Variants in CDC27 observed in about 807,000 individuals in gnomAD.
CDC27 encodes cell division cycle 27, also known as cell division cycle protein 27 homolog.
In CDC27, 27 loss-of-function variants were observed where a neutral mutation model predicts 109.7. The ratio of observed to expected loss-of-function variants is 0.25; its 90% CI spans 0.18 to 0.34. The LOEUF (loss-of-function observed/expected upper bound fraction) is 0.34. CDC27 is among the 10% of genes least tolerant of loss of function. The probability of loss-of-function intolerance (pLI) is 1.00; values close to 1 mark genes in which losing one functional copy is unlikely to be tolerated. For synonymous variants in CDC27, 266 were observed against 333.9 expected, an observed-to-expected ratio of 0.80 and a Z score of 2.22; for missense variants, 579 against 960.2, an observed-to-expected ratio of 0.60 and a Z score of 5.25.
chr17:47,176,504 A>AT (rs1459475297), intron 2 of CDC27, among the ~76,000 whole-genome samples: 1 of 152,224 alleles, frequency 6.6e-6, no homozygotes, highest in Non-Finnish European at 1.5e-5. Context: ...ACCACAAATA[A>AT]AAGAGGGCTG....
intron 8 of CDC27, among the ~76,000 whole-genome samples, chr17:47,152,602 T>C (rs2063183775): frequency 6.6e-6 from 1 of 152,190 alleles, no homozygotes; most frequent in African/African-American, 2.4e-5. Flanking sequence ...TCTATGACTA[T>C]TGTATCAGTG....
chr17:47,133,072 C>CACACACACACACACAA (rs2062429665), intron 14 of CDC27, among the ~76,000 whole-genome samples: 8 of 81,238 alleles, frequency 9.8e-5, no homozygotes, highest in Admixed American at 1.8e-4. Flanking sequence ...TACACACACA[C>CACACACACACACACAA]ACACACACAC....
rs1159468979 is a variant in CDC27, at chr17:47,143,948, A to C, written c.1105T>G (p.Ser369Ala). Residue 369 changes from serine (S) to alanine (A), a missense_variant, in exon 10 of 19, where the codon TCT becomes GCT. Ser to Ala is a moderately conservative substitution (Grantham distance 99). This residue lies in a region of CDC27 where 51 missense variants were observed against 43.8 expected (regional missense o/e 1.16). Coordinates refer to ENST00000066544, the MANE Select transcript of CDC27 (RefSeq NM_001256.6). ...CTTCGAGGCAGTGCGTTTGGGGGAG[A>C]TGTAATAGTGGGGCTCAATACCTGA... ...TPQVLSPTIT[S>A]PPNALPRRSS... 3.4e-6 allele frequency: 5 copies of C among 1,482,974 alleles called. No homozygotes were observed. In the East Asian group the frequency reaches 1.3e-4, roughly 38 times the overall value. 91.9% of individuals were successfully genotyped at this position (1,482,974 alleles called of 1,614,324 possible).
intron 2 of CDC27, among the ~76,000 whole-genome samples, chr17:47,173,155 A>G (rs1189784181): frequency 6.6e-6 from 1 of 152,218 alleles, no homozygotes; most frequent in Non-Finnish European, 1.5e-5. Flanking sequence ...AATAGTTAAC[A>G]TCATTCTAAG....
chr17:47,141,530 G>A (rs2062792928), intron 12 of CDC27, among the ~76,000 whole-genome samples: 1 of 152,006 alleles, frequency 6.6e-6, no homozygotes, highest in Non-Finnish European at 1.5e-5. Context: ...TCTGTATATT[G>A]CAGAAAAATA....
chr17:47,149,901 G>C (rs2063102510), intron 9 of CDC27, among the ~76,000 whole-genome samples: 2 of 152,190 alleles, frequency 1.3e-5, no homozygotes, highest in African/African-American at 2.4e-5. Context: ...GTTGCAGTGA[G>C]CCGAGATTGC....
intron 16 of CDC27, among the ~76,000 whole-genome samples, chr17:47,126,390 G>A (rs1022638663): frequency 6.6e-5 from 10 of 152,300 alleles, no homozygotes; most frequent in African/African-American, 2.4e-4. Context: ...ATAACTGGGA[G>A]TTTTTCTGAG....
chr17:47,189,201 T>C lies in CDC27; in HGVS notation c.-29A>G, dbSNP rs1376712757. ...CGAGGCTCAGGCCCACTTTCTGCAGTGCCTCAGGCCCCCCCTGTAGCGGCT... is the reference window on the plus strand; with the variant it reads ...CGAGGCTCAGGCCCACTTTCTGCAGCGCCTCAGGCCCCCCCTGTAGCGGCT... On this transcript the variant is annotated 5_prime_UTR_variant, in exon 1 of 19. Transcript: ENST00000066544. 6.3e-7 allele frequency: 1 copy of C among 1,590,618 alleles called. No homozygotes were observed. The highest frequency in any genetic ancestry group is 1.7e-5 in the Admixed American group (1 of 59,984).
Position 47,189,021 on chromosome 17 carries a change from C to T in CDC27, c.27+125G>A, listed in dbSNP as rs1323612206. 10 of 1,509,454 alleles carry T rather than the reference C, an allele frequency of 6.6e-6. No homozygotes were observed. The Admixed American group carries it at 1.5e-4, about 23-fold the overall frequency. The allele number at this position is 1,509,454 out of a possible 1,614,324, so 93.5% of individuals were successfully genotyped here. A position where few individuals can be genotyped will look rare whatever the true frequency, so the allele number is the denominator to read the frequency against. The stretch of plus-strand genomic sequence containing the variant: ...CCGAACTGACTAAAGATAGGCAGGA[C>T]ACGGCAGCAGGGGAGGCGGGAGAAG... On this transcript the variant is annotated intron_variant, in intron 1 of 18. Transcript: ENST00000066544.
At chr17:47,137,452 C>G (rs1459303775) in intron 13 of CDC27, 92 bp from the exon 14 acceptor site, 13 of 644,946 alleles carry the variant, frequency 2.0e-5, no homozygotes, top group Non-Finnish European at 2.2e-5. Flanking sequence ...CAACTTAGAA[C>G]AGAAAGACAA....
At chr17:47,140,399 C>T (rs895338353) in intron 12 of CDC27, among the ~76,000 whole-genome samples, 3 of 152,168 alleles carry the variant, frequency 2.0e-5, no homozygotes, top group Non-Finnish European at 4.4e-5. Flanking sequence ...TAGGCATGAG[C>T]CACCACACCT....
intron 4 of CDC27, chr17:47,159,939 G>T: frequency 2.7e-6 from 1 of 363,996 alleles, no homozygotes. Flanking sequence ...CCGTGGCCTC[G>T]GTCCCGGCCC....
intron 4 of CDC27, 25 bp downstream of exon 4, chr17:47,169,892 G>T: frequency 6.5e-7 from 1 of 1,543,258 alleles, no homozygotes; most frequent in South Asian, 1.3e-5. Flanking sequence ...ATGCTTTTCT[G>T]ACAGTTTGAA....
At position 47,137,164 on chromosome 17, in the gene CDC27, T is replaced by G. The variant is rs1487241772; in HGVS notation, c.1901A>C (p.His634Pro). Residue 634 changes from histidine (H) to proline (P), a missense_variant, in exon 14 of 19, where the codon CAT becomes CCT. His to Pro is a moderately conservative substitution (Grantham distance 77). Around this residue, in one of 9 missense-constraint regions of CDC27, gnomAD observed 227 missense variants for 363.6 expected, o/e 0.62. Coordinates refer to ENST00000066544, the MANE Select transcript of CDC27 (RefSeq NM_001256.6). ...CATTACCACTTACCATGCATTATAATGTCTAGGATTGACTCTGATAGCATT... is the reference window on the plus strand; with the variant it reads ...CATTACCACTTACCATGCATTATAAGGTCTAGGATTGACTCTGATAGCATT... ...FRNAIRVNPR[H>P]YNAWYGLGMI... 6.3e-7 allele frequency: 1 copy of G among 1,593,402 alleles called. No homozygotes were observed.
chr17:47,155,334 C>A (rs914520910), intron 7 of CDC27, among the ~76,000 whole-genome samples: 16 of 152,184 alleles, frequency 1.1e-4, no homozygotes, highest in Non-Finnish European at 2.2e-4. Flanking sequence ...CAACCTCCAC[C>A]TGCTGGGTTC....
intron 2 of CDC27, among the ~76,000 whole-genome samples, chr17:47,174,997 G>GGAAA (rs889076508): frequency 2.0e-5 from 3 of 149,730 alleles, no homozygotes; most frequent in African/African-American, 7.4e-5. Flanking sequence ...GGACAGGAAA[G>GGAAA]GAAAGGAGAG....
At chr17:47,163,578 TGAA>T (rs577130459) in intron 4 of CDC27, among the ~76,000 whole-genome samples, 3 of 152,098 alleles carry the variant, frequency 2.0e-5, no homozygotes, top group Non-Finnish European at 4.4e-5. Flanking sequence ...CATATTCCTC[TGAA>T]GAAGGAGAAA....
rs181658554 is a variant in CDC27 at position 47,170,363 on chromosome 17, A to C, written c.252-321T>G. ...CAGGTGCACACCACCACACCCAGCT[A>C]ATTTTTAATTTTTTTGTAGAGACAG... On this transcript the variant is annotated intron_variant, in intron 3 of 18. Transcript: ENST00000066544. 108 of 163,624 alleles carry C rather than the reference A, an allele frequency of 6.6e-4. 1 individual carries two copies. Among genetic ancestry groups the C allele is most frequent in the Admixed American group, 6.2e-3 (96 of 15,590 alleles). 10.1% of individuals were successfully genotyped at this position (163,624 alleles called of 1,614,324 possible).
At chr17:47,170,625 T>A (rs1255371190) in intron 3 of CDC27, among the ~76,000 whole-genome samples, 1 of 152,174 alleles carries the variant, frequency 6.6e-6, no homozygotes, top group Non-Finnish European at 1.5e-5. Flanking sequence ...TTAGTCTCTG[T>A]ATGTACAAAT....
Sources: allele counts gnomAD v4.1 joint callset (sites outside exome capture counted in the v4.1 genomes callset), GRCh38; gene constraint gnomAD v4.1.1; regional missense constraint gnomAD v4.1.1; transcripts MANE v1.5; gene names NCBI Gene and HGNC (gene_info 2026-07-23, HGNC 2026-07-21).